The following GABRG3 variants were observed in gnomAD, a reference collection of about 807,000 sequenced individuals.
The protein encoded by GABRG3 is gamma-aminobutyric acid type A receptor subunit gamma3, also known as gamma-aminobutyric acid receptor subunit gamma-3.
A neutral mutation model predicts 48.8 loss-of-function variants in GABRG3; 25 were observed. The observed-to-expected ratio is 0.51, with a 90% confidence interval of 0.37 to 0.72. The LOEUF (loss-of-function observed/expected upper bound fraction) is 0.72. Among genes scored for constraint, GABRG3 ranks in the 30% least tolerant of loss-of-function variants. The pLI is 0.00. For missense variants in GABRG3, 394 were observed against 577.9 expected (o/e 0.68, Z 3.26); for synonymous variants, 227 against 217.6 (o/e 1.04, Z -0.38).
chr15:27,358,135 G>A (rs1894901883), intron 5 of GABRG3, among the ~76,000 whole-genome samples: 1 of 152,128 alleles, frequency 6.6e-6, no homozygotes, highest in Non-Finnish European at 1.5e-5. Context: ...AATTTCCACT[G>A]GAAATCTCGA....
Position 26,975,189 on chromosome 15 carries a change from A to G in GABRG3, c.54-1813A>G, listed in dbSNP as rs1894917832. The stretch of plus-strand genomic sequence containing the variant: ...ACCATGCCCGGCCAGATGACATGAA[A>G]TATTTTAGAGTAACATTTAAAATTC... On this transcript the variant is annotated intron_variant, in intron 1 of 9. Coordinates refer to ENST00000615808, the MANE Select transcript of GABRG3 (RefSeq NM_033223.5). This position sits in a 1 kb window ranked among gnomAD's most constrained non-coding sequence, Gnocchi z 4.6. Among the ~76,000 whole-genome samples, 1 of 152,144 alleles carries G rather than the reference A, an allele frequency of 6.6e-6. No individual in the cohort carries two copies. The highest frequency in any genetic ancestry group is 2.1e-4 in the South Asian group (1 of 4,826).
At chr15:27,474,945 C>A (rs1889892606) in intron 5 of GABRG3, among the ~76,000 whole-genome samples, 1 of 152,016 alleles carries the variant, frequency 6.6e-6, no homozygotes, top group Admixed American at 6.6e-5. Context: ...GCCTGACCAA[C>A]ATGGTGAAAC....
At chr15:27,396,983 G>A (rs981620984) in intron 5 of GABRG3, among the ~76,000 whole-genome samples, 12 of 152,182 alleles carry the variant, frequency 7.9e-5, no homozygotes, top group African/African-American at 2.9e-4. Flanking sequence ...GGTAGCATGG[G>A]AAAATGTAGG....
intron 3 of GABRG3, among the ~76,000 whole-genome samples, chr15:27,072,014 A>T (rs574124372): frequency 6.6e-6 from 1 of 152,216 alleles, no homozygotes; most frequent in Non-Finnish European, 1.5e-5. Flanking sequence ...CCGCACAAAG[A>T]GCTCACCTGA....
intron 3 of GABRG3, among the ~76,000 whole-genome samples, chr15:27,272,518 G>A (rs1325389423): frequency 6.6e-6 from 1 of 152,198 alleles, no homozygotes; most frequent in Non-Finnish European, 1.5e-5. Context: ...GTCTATGACT[G>A]CACCTACTCT....
At chr15:27,416,386 G>A (rs994173448) in intron 5 of GABRG3, among the ~76,000 whole-genome samples, 7 of 152,110 alleles carry the variant, frequency 4.6e-5, no homozygotes, top group African/African-American at 1.7e-4. Context: ...CTGCCCTCAG[G>A]TCAGTAGGGC....
intron 3 of GABRG3, among the ~76,000 whole-genome samples, chr15:27,104,059 G>T (rs908680096): frequency 2.0e-5 from 3 of 152,206 alleles, no homozygotes; most frequent in Non-Finnish European, 4.4e-5. Flanking sequence ...TTACCAAGTT[G>T]AGGTAGTTTC....
chr15:27,399,522 C>T (rs1382962431), intron 5 of GABRG3, among the ~76,000 whole-genome samples: 1 of 152,182 alleles, frequency 6.6e-6, no homozygotes, highest in Non-Finnish European at 1.5e-5. Flanking sequence ...TTGTTCAAAC[C>T]ATAGTGCGTT....
intron 3 of GABRG3, among the ~76,000 whole-genome samples, chr15:27,250,412 G>A (rs1890416751): frequency 6.6e-6 from 1 of 152,170 alleles, no homozygotes; most frequent in African/African-American, 2.4e-5. Context: ...TGTTTTATGT[G>A]CACATTTCTA....
At chr15:27,071,880 G>A (rs778899631) in intron 3 of GABRG3, among the ~76,000 whole-genome samples, 35 of 152,300 alleles carry the variant, frequency 2.3e-4, no homozygotes, top group Middle Eastern at 6.8e-3. Flanking sequence ...TTGATTAGTT[G>A]ATTACTTTCC....
At chr15:27,282,468 T>C (rs1398184776) in intron 3 of GABRG3, among the ~76,000 whole-genome samples, 1 of 152,190 alleles carries the variant, frequency 6.6e-6, no homozygotes, top group African/African-American at 2.4e-5. Flanking sequence ...TACTGATTGC[T>C]TCCTCTCTCG....
chr15:27,051,034 A>C (rs552358081), intron 3 of GABRG3, among the ~76,000 whole-genome samples: 1 of 152,356 alleles, frequency 6.6e-6, no homozygotes, highest in East Asian at 1.9e-4. Context: ...AAAGTCATAC[A>C]ATGCTAGGTG....
At chr15:27,412,753 G>A (rs1339776321) in intron 5 of GABRG3, among the ~76,000 whole-genome samples, 1 of 152,084 alleles carries the variant, frequency 6.6e-6, no homozygotes, top group Non-Finnish European at 1.5e-5. Context: ...CTCTCCTCCT[G>A]TAACAGTTCA....
At chr15:27,489,084 T>C (rs941900386) in intron 6 of GABRG3, among the ~76,000 whole-genome samples, 5 of 149,848 alleles carry the variant, frequency 3.3e-5, no homozygotes, top group Admixed American at 3.3e-4. Flanking sequence ...TGAGTCCATG[T>C]GTTCTCATTG....
intron 6 of GABRG3, among the ~76,000 whole-genome samples, chr15:27,512,197 G>C (rs760700122): frequency 6.6e-6 from 1 of 152,092 alleles, no homozygotes; most frequent in South Asian, 2.1e-4. Context: ...ATTAAGCAAC[G>C]ATTACAATTA....
At chr15:27,529,984 G>C (rs1231461058) in intron 9 of GABRG3, among the ~76,000 whole-genome samples, 2 of 152,038 alleles carry the variant, frequency 1.3e-5, no homozygotes, top group Non-Finnish European at 2.9e-5. Flanking sequence ...GCCAGGCCTG[G>C]TGAGAAGACA....
intron 5 of GABRG3, among the ~76,000 whole-genome samples, chr15:27,346,646 T>TTC (rs764528706): frequency 9.2e-5 from 14 of 151,714 alleles, no homozygotes; most frequent in Non-Finnish European, 1.8e-4. Flanking sequence ...ATGCTTTTTT[T>TTC]CCTTATTTGT....
chr15:27,332,495 C>G (rs1311479273), intron 5 of GABRG3, among the ~76,000 whole-genome samples: 1 of 151,986 alleles, frequency 6.6e-6, no homozygotes. Flanking sequence ...GATCACGCCA[C>G]TGCACTCCAG....
chr15:27,054,779 C>T (rs1411464882), intron 3 of GABRG3, among the ~76,000 whole-genome samples: 2 of 152,100 alleles, frequency 1.3e-5, no homozygotes. Context: ...AGCTCTGTAT[C>T]GAGCGGGGAG....
Sources: allele counts gnomAD v4.1 joint callset (sites outside exome capture counted in the v4.1 genomes callset), GRCh38; gene constraint gnomAD v4.1.1; non-coding constraint Gnocchi (gnomAD v3.1); transcripts MANE v1.5; gene names NCBI Gene and HGNC (gene_info 2026-07-23, HGNC 2026-07-21).